PACS1: variants seen among roughly 807,000 people sequenced by gnomAD.
The protein encoded by PACS1 is phosphofurin acidic cluster sorting protein 1.
PACS1 carries 24 observed loss-of-function variants against 115.0 expected under a neutral mutation model. The observed-to-expected ratio is 0.21, with a 90% CI of 0.15 to 0.29. The LOEUF (loss-of-function observed/expected upper bound fraction) is 0.29, where lower values mean the gene tolerates loss of function less well. Among genes scored for constraint, PACS1 ranks in the 10% least tolerant of loss-of-function variants. The probability of loss-of-function intolerance (pLI) is 1.00; values close to 1 mark genes in which losing one functional copy is unlikely to be tolerated. For missense variants in PACS1, 838 were observed against 1,251.2 expected, an observed-to-expected ratio of 0.67 and a Z score of 4.98; for synonymous variants, 453 against 504.5, an observed-to-expected ratio of 0.90 and a Z score of 1.37.
chr11:66,165,483 T>C (rs1859581308), intron 1 of PACS1, among the ~76,000 whole-genome samples: 1 of 152,192 alleles, frequency 6.6e-6, no homozygotes, highest in Non-Finnish European at 1.5e-5. Flanking sequence ...AGGCTGATCT[T>C]TCCGTTGAGA....
chr11:66,105,162 T>A (rs1590747465), intron 1 of PACS1, among the ~76,000 whole-genome samples: 1 of 152,070 alleles, frequency 6.6e-6, no homozygotes, highest in African/African-American at 2.4e-5. Context: ...GGTGGCTCAC[T>A]CCTGTAATCC....
chr11:66,135,909 GGCCTCCCAA>G (rs1202660691), intron 1 of PACS1, among the ~76,000 whole-genome samples: 1 of 151,944 alleles, frequency 6.6e-6, no homozygotes, highest in Non-Finnish European at 1.5e-5. Context: ...CACCCCACTT[GGCCTCCCAA>G]AGTGCTGGGA....
Position 66,243,299 on chromosome 11 carries a change from C to G in PACS1, c.*19C>G. The G allele has an allele frequency of 1.3e-6, 2 of 1,517,880 alleles. No individual in the cohort carries two copies. Among genetic ancestry groups the G allele is most frequent in the South Asian group, 1.2e-5 (1 of 84,864 alleles). The allele number at this position is 1,517,880 out of a possible 1,614,324, so 94.0% of individuals were successfully genotyped here. On this transcript the variant is annotated 3_prime_UTR_variant, in exon 24 of 24. Transcript: ENST00000320580. ...CACCTGAGGCCCTGTCTCCCAGCCA[C>G]TTTCCCTCCTGGCACTGCCACCAGC...
intron 2 of PACS1, among the ~76,000 whole-genome samples, chr11:66,206,463 G>A (rs1854942000): frequency 6.6e-6 from 1 of 152,158 alleles, no homozygotes; most frequent in South Asian, 2.1e-4. Context: ...GGGCTGGGCT[G>A]GGCCTGGCTG....
intron 1 of PACS1, among the ~76,000 whole-genome samples, chr11:66,131,968 A>AT (rs1590765765): frequency 6.6e-6 from 1 of 151,922 alleles, no homozygotes. Context: ...AAAAAAAAAA[A>AT]ATCTGTTCCT....
At position 66,230,926 on chromosome 11, in the gene PACS1, G is replaced by A. The variant is rs772146175; in HGVS notation, c.1612G>A (p.Gly538Ser). 6.2e-6 allele frequency: 10 copies of A among 1,614,140 alleles called. No individual in the cohort carries two copies. The South Asian group carries it at 9.9e-5, about 16-fold the overall frequency. The change falls in exon 13 of 24, where the codon GGC becomes AGC. Residue 538 changes from glycine to serine, a missense_variant. Gly to Ser is a moderately conservative substitution (Grantham distance 56, BLOSUM62 0). Coordinates refer to ENST00000320580, the MANE Select transcript of PACS1 (RefSeq NM_018026.4). ...CGACAGCGAGCGCTCCCCAGATCTG[G>A]GCCACAGCACGCAGGTACTTCTGGG... ...SSDSERSPDLGHSTQIPRKVV... is the reference protein window; with the variant it reads ...SSDSERSPDLSHSTQIPRKVV...
At chr11:66,172,618 A>G (rs770496392) in intron 1 of PACS1, among the ~76,000 whole-genome samples, 1 of 152,160 alleles carries the variant, frequency 6.6e-6, no homozygotes, top group Non-Finnish European at 1.5e-5. Flanking sequence ...GCAACCTCAC[A>G]AGAGATCCTG....
intron 1 of PACS1, among the ~76,000 whole-genome samples, chr11:66,190,288 C>T (rs1232262455): frequency 6.6e-6 from 1 of 152,110 alleles, no homozygotes; most frequent in Non-Finnish European, 1.5e-5. Flanking sequence ...TGAGGACGAA[C>T]GTTGGGCATA....
At chr11:66,152,392 T>C (rs1859261317) in intron 1 of PACS1, among the ~76,000 whole-genome samples, 1 of 152,076 alleles carries the variant, frequency 6.6e-6, no homozygotes, top group African/African-American at 2.4e-5. Context: ...TAGGACGATA[T>C]CAGGTAGCCT....
chr11:66,136,323 T>TCACACACACACACACACACACACACACA (rs61577143), intron 1 of PACS1, among the ~76,000 whole-genome samples: 1 of 145,820 alleles, frequency 6.9e-6, no homozygotes, highest in African/African-American at 2.6e-5. Flanking sequence ...AATCCCACTG[T>TCACACACACACACACACACACACACACA]CACACACACA....
chr11:66,230,525 C>T, intron 11 of PACS1, 23 bp from the exon 12 acceptor site: 4 of 1,570,484 alleles, frequency 2.5e-6, no homozygotes, highest in Non-Finnish European at 3.5e-6. Flanking sequence ...GTCATCTTCA[C>T]TGTTTCCTCT....
intron 1 of PACS1, among the ~76,000 whole-genome samples, chr11:66,111,038 T>C (rs1447356036): frequency 6.6e-6 from 1 of 152,194 alleles, no homozygotes; most frequent in Non-Finnish European, 1.5e-5. Context: ...AGGATGAGAA[T>C]GTGTTCTGAG....
intron 1 of PACS1, among the ~76,000 whole-genome samples, chr11:66,071,341 A>G (rs1857308247): frequency 1.3e-5 from 2 of 152,174 alleles, no homozygotes; most frequent in Non-Finnish European, 2.9e-5. Flanking sequence ...TTTGAACTTC[A>G]TATTACACAC....
intron 1 of PACS1, among the ~76,000 whole-genome samples, chr11:66,127,947 C>T (rs1049922725): frequency 1.8e-4 from 28 of 152,142 alleles, no homozygotes; most frequent in Non-Finnish European, 4.0e-4. Context: ...CTAGATCTTA[C>T]TGTGTATTTA....
At chr11:66,234,754 G>T (rs1855672936) in intron 17 of PACS1, among the ~76,000 whole-genome samples, 1 of 152,186 alleles carries the variant, frequency 6.6e-6, no homozygotes, top group Admixed American at 6.5e-5. Context: ...GTGTGCACCT[G>T]TAGTCCCAGC....
chr11:66,239,961 G>C (rs535486368), intron 21 of PACS1, among the ~76,000 whole-genome samples: 19 of 152,398 alleles, frequency 1.2e-4, no homozygotes, highest in Non-Finnish European at 2.2e-4. Flanking sequence ...TTCAAAGCTA[G>C]GCCTGGGCCA....
rs758897091 is a variant in PACS1, at chr11:66,188,237, G to C, written c.357-5249G>C. Among the ~76,000 whole-genome samples the C allele has an allele frequency of 6.8e-4, 102 of 149,690 alleles. 2 individuals carry two copies. The Middle Eastern group carries it at 0.021, about 31-fold the overall frequency. ...GGGTATTAATCCCCCCATCAGATGAGTAGTTTACAAATATTTTGTCTTATT... is the reference window on the plus strand; with the variant it reads ...GGGTATTAATCCCCCCATCAGATGACTAGTTTACAAATATTTTGTCTTATT... On this transcript the variant is annotated intron_variant, in intron 1 of 23. Transcript: ENST00000320580.
intron 1 of PACS1, among the ~76,000 whole-genome samples, chr11:66,080,418 G>A (rs1488613276): frequency 6.6e-6 from 1 of 152,158 alleles, no homozygotes; most frequent in Non-Finnish European, 1.5e-5. Context: ...GGGGAACTGA[G>A]TGTGGGGGGA....
rs1332102887 is a variant in PACS1, at chr11:66,237,862, C to T, written c.2251-942C>T. ...TCCTCTCTGGGAATCAAAAGAAGGG[C>T]GCATAGAGAATCGGGACAGACTTCA... is the stretch of plus-strand genomic sequence containing the variant. On this transcript the variant is annotated intron_variant, in intron 19 of 23. Transcript: ENST00000320580. Among the ~76,000 whole-genome samples the T allele has an allele frequency of 4.6e-5, 7 of 152,222 alleles. No individual in the cohort carries two copies. In the South Asian group the frequency reaches 6.2e-4, roughly 14 times the overall value.
Sources: gnomAD v4.1 joint callset for allele counts (sites outside exome capture counted in the v4.1 genomes callset) on GRCh38, gnomAD v4.1.1 for gene constraint, MANE v1.5 for transcripts, NCBI Gene and HGNC (gene_info 2026-07-23, HGNC 2026-07-21) for gene names.